Variants in STUM observed in about 807,000 individuals in gnomAD.
The protein encoded by STUM is stum, mechanosensory transduction mediator homolog.
STUM carries 8 observed loss-of-function variants against 15.3 expected under a neutral mutation model. The observed-to-expected ratio is 0.52, with a 90% CI of 0.31 to 0.94. The LOEUF is 0.94. Among genes scored for constraint, STUM ranks in the 40% least tolerant of loss-of-function variants. The pLI is 0.05. For synonymous variants in STUM, 78 were observed against 88.7 expected (o/e 0.88, Z 0.68); for missense variants, 142 against 204.9 (o/e 0.69, Z 1.87).
chr1:226,556,159 T>G (rs1387568601), intron 1 of STUM, among the ~76,000 whole-genome samples: 1 of 152,220 alleles, frequency 6.6e-6, no homozygotes, highest in Non-Finnish European at 1.5e-5. Context: ...GGGACCCAGC[T>G]GCCATGGGAG....
chr1:226,580,747 T>G (rs1266886507), intron 1 of STUM, among the ~76,000 whole-genome samples: 3 of 152,294 alleles, frequency 2.0e-5, no homozygotes, highest in African/African-American at 7.2e-5. Flanking sequence ...CCCAGCTGTG[T>G]GTCTGGATCC....
chr1:226,573,041 G>C (rs74141940), intron 1 of STUM, among the ~76,000 whole-genome samples: 1 of 152,186 alleles, frequency 6.6e-6, no homozygotes, highest in Non-Finnish European at 1.5e-5. Context: ...TGGGCCTGCC[G>C]CAGGTTTGGG....
chr1:226,548,847 C>T lies in STUM; in HGVS notation c.-58C>T, dbSNP rs2102681688. 1 of 1,267,124 alleles carries T rather than the reference C, an allele frequency of 7.9e-7. No individual in the cohort carries two copies. The highest frequency in any genetic ancestry group is 1.0e-6 in the Non-Finnish European group (1 of 1,004,366). The allele number at this position is 1,267,124 out of a possible 1,614,324, so 78.5% of individuals were successfully genotyped here. A position where few individuals can be genotyped will look rare whatever the true frequency, so the allele number is the denominator to read the frequency against. The stretch of plus-strand genomic sequence containing the variant: ...CCCGCAGCCGACAGTCTCCTGCTCC[C>T]GTACGCTGGGCGCCAGCTCCGGCCG... On this transcript the variant is annotated 5_prime_UTR_variant, in exon 1 of 4. Coordinates refer to ENST00000366788, the MANE Select transcript of STUM (RefSeq NM_001003665.4).
chr1:226,586,993 C>T (rs1324670201), intron 1 of STUM, among the ~76,000 whole-genome samples: 1 of 152,146 alleles, frequency 6.6e-6, no homozygotes, highest in African/African-American at 2.4e-5. Flanking sequence ...ATGGCAGGCT[C>T]GCAGTTAGGG....
Position 226,608,430 on chromosome 1 carries a change from G to A in STUM, c.*6390G>A, listed in dbSNP as rs1277889825. Reference sequence around the variant, plus strand: ...TTGGCTGAGTTCCCTGCTGTTGTGCGTGGTGCCATTTTTTTTTTAAACAAC... The same window carrying A: ...TTGGCTGAGTTCCCTGCTGTTGTGCATGGTGCCATTTTTTTTTTAAACAAC... On this transcript the variant is annotated 3_prime_UTR_variant, in exon 4 of 4. Coordinates refer to ENST00000366788, the MANE Select transcript of STUM (RefSeq NM_001003665.4). This position sits in a 1 kb window ranked among gnomAD's most constrained non-coding sequence, Gnocchi z 4.0. 2 of 152,128 alleles carry A rather than the reference G, an allele frequency of 1.3e-5. No individual in the cohort carries two copies. The highest frequency in any genetic ancestry group is 2.4e-5 in the African/African-American group (1 of 41,424). The allele number at this position is 152,128 out of a possible 1,614,324, so 9.4% of individuals were successfully genotyped here. A position where few individuals can be genotyped will look rare whatever the true frequency, so the allele number is the denominator to read the frequency against.
chr1:226,594,101 A>G (rs1199742885), intron 1 of STUM, among the ~76,000 whole-genome samples: 1 of 152,170 alleles, frequency 6.6e-6, no homozygotes, highest in Non-Finnish European at 1.5e-5. Context: ...GAGGAGGAAA[A>G]CGAGGCAGGG....
At position 226,602,041 on chromosome 1, in the gene STUM, G is replaced by A; in HGVS notation, c.*1G>A. On this transcript the variant is annotated 3_prime_UTR_variant, in exon 4 of 4. Transcript: ENST00000366788. ...GCAGGGCATCCCACAGCAGCTGTGAGCCCACGGGAGCCGCTGGGGAGATCC... is the reference window on the plus strand; with the variant it reads ...GCAGGGCATCCCACAGCAGCTGTGAACCCACGGGAGCCGCTGGGGAGATCC... The A allele has an allele frequency of 6.2e-7, 1 of 1,606,288 alleles. No individual in the cohort carries two copies. Among genetic ancestry groups the A allele is most frequent in the Non-Finnish European group, 8.5e-7 (1 of 1,179,644 alleles).
At chr1:226,570,353 C>T (rs1667687908) in intron 1 of STUM, among the ~76,000 whole-genome samples, 1 of 152,202 alleles carries the variant, frequency 6.6e-6, no homozygotes, top group African/African-American at 2.4e-5. Flanking sequence ...TTCTTAGCAA[C>T]AGGGATCATC....
rs576568963 is a variant in STUM at position 226,602,365 on chromosome 1, G to A, written c.*325G>A. On this transcript the variant is annotated 3_prime_UTR_variant, in exon 4 of 4. Transcript: ENST00000366788. The stretch of plus-strand genomic sequence containing the variant: ...GGCCTTGCTGTACCCACTGCCCACC[G>A]CAAAGGCACGCCACGTCTGCTGGGC... The A allele has an allele frequency of 2.8e-5, 10 of 354,008 alleles. No individual in the cohort carries two copies. The highest frequency in any genetic ancestry group is 1.6e-4 in the African/African-American group (8 of 48,598). The allele number at this position is 354,008 out of a possible 1,614,324, so 21.9% of individuals were successfully genotyped here. A position where few individuals can be genotyped will look rare whatever the true frequency, so the allele number is the denominator to read the frequency against.
intron 1 of STUM, among the ~76,000 whole-genome samples, chr1:226,569,131 G>T (rs1191001412): frequency 1.3e-5 from 2 of 152,078 alleles, no homozygotes. Flanking sequence ...ATGACCTTAG[G>T]CAGGTGACTT....
chr1:226,551,272 G>A (rs1035972857), intron 1 of STUM, among the ~76,000 whole-genome samples: 3 of 152,206 alleles, frequency 2.0e-5, no homozygotes, highest in Non-Finnish European at 4.4e-5. Context: ...TGCATAGGAA[G>A]CTCTCTGGGG....
rs764067268 is a variant in STUM, at chr1:226,549,003, G to A, written c.99G>A (p.Val33=). Residue 33 remains valine (V), a synonymous_variant, in exon 1 of 4, where the codon GTG becomes GTA. Coordinates refer to ENST00000366788, the MANE Select transcript of STUM (RefSeq NM_001003665.4). This position sits in a 1 kb window ranked among gnomAD's most constrained non-coding sequence, Gnocchi z 6.8. Reference sequence around the variant, plus strand: ...CGTCCTCGTCCAGCGGGGTGGTGGTGCAGGTCCGCGAGAAGAAGGGCCCCC... The same window carrying A: ...CGTCCTCGTCCAGCGGGGTGGTGGTACAGGTCCGCGAGAAGAAGGGCCCCC... The part of the protein sequence containing the change: ...RGASSSSGVV[V]QVREKKGPLR... 7.6e-6 allele frequency: 12 copies of A among 1,569,400 alleles called. No homozygotes were observed. Among genetic ancestry groups the A allele is most frequent in the Non-Finnish European group, 1.0e-5 (12 of 1,161,298 alleles).
intron 1 of STUM, among the ~76,000 whole-genome samples, chr1:226,553,348 A>C (rs1667399150): frequency 1.3e-5 from 2 of 152,206 alleles, no homozygotes. Context: ...CAAGCCAAAA[A>C]AACCACCCAA....
chr1:226,589,084 T>A (rs1043542159), intron 1 of STUM, among the ~76,000 whole-genome samples: 1 of 152,098 alleles, frequency 6.6e-6, no homozygotes, highest in Non-Finnish European at 1.5e-5. Context: ...TGGGGGCAGT[T>A]TTTACTCTGA....
At chr1:226,581,645 C>T (rs1436562531) in intron 1 of STUM, among the ~76,000 whole-genome samples, 8 of 151,974 alleles carry the variant, frequency 5.3e-5, no homozygotes, top group Non-Finnish European at 1.5e-5. Flanking sequence ...GGCAGGAGTA[C>T]ACACAGAGAT....
At chr1:226,577,864 T>C (rs1255715490) in intron 1 of STUM, among the ~76,000 whole-genome samples, 1 of 152,048 alleles carries the variant, frequency 6.6e-6, no homozygotes, top group East Asian at 1.9e-4. Context: ...GAGGAGACAG[T>C]AGGGCGGGGG....
At chr1:226,557,678 ATGT>A (rs1667469140) in intron 1 of STUM, among the ~76,000 whole-genome samples, 1 of 152,226 alleles carries the variant, frequency 6.6e-6, no homozygotes, top group Non-Finnish European at 1.5e-5. Flanking sequence ...CCATTCTGAC[ATGT>A]CCAAGAAGAG....
At chr1:226,601,942 C>A in intron 3 of STUM, 64 bp from the exon 4 acceptor site, 1 of 1,452,694 alleles carries the variant, frequency 6.9e-7, no homozygotes, top group African/African-American at 1.4e-5. Context: ...GCTAGGGGCA[C>A]CTCCTGGAGA....
chr1:226,587,880 G>A (rs1262083792), intron 1 of STUM, among the ~76,000 whole-genome samples: 1 of 152,118 alleles, frequency 6.6e-6, no homozygotes, highest in African/African-American at 2.4e-5. Flanking sequence ...CCGATAGCAG[G>A]AAAGACCCCT....
Sources: gnomAD v4.1 joint callset for allele counts (sites outside exome capture counted in the v4.1 genomes callset) on GRCh38, gnomAD v4.1.1 for gene constraint, Gnocchi (gnomAD v3.1) non-coding constraint, MANE v1.5 for transcripts, NCBI Gene and HGNC (gene_info 2026-07-23, HGNC 2026-07-21) for gene names.